The following MYO1E variants were observed in gnomAD, a reference collection of about 807,000 sequenced individuals.
MYO1E encodes unconventional myosin-Ie.
A neutral mutation model predicts 151.1 loss-of-function variants in MYO1E; 68 were observed. The observed-to-expected ratio is 0.45, with a 90% confidence interval of 0.37 to 0.55. The LOEUF (loss-of-function observed/expected upper bound fraction) is 0.55. Ranked by LOEUF, MYO1E falls within the 20% of genes least tolerant of loss-of-function variation. The pLI, the probability that MYO1E is intolerant of heterozygous loss-of-function variation, is 0.00. For missense variants in MYO1E, 1,363 were observed against 1,389.3 expected, an observed-to-expected ratio of 0.98 and a Z score of 0.30; for synonymous variants, 601 against 501.7, an observed-to-expected ratio of 1.20 and a Z score of -2.64.
intron 1 of MYO1E, among the ~76,000 whole-genome samples, chr15:59,294,996 C>A (rs558541880): frequency 4.1e-4 from 62 of 152,198 alleles, no homozygotes; most frequent in African/African-American, 1.5e-3. Flanking sequence ...GTCCTCTGAC[C>A]CCCACTGTTG....
chr15:59,270,304 C>A (rs2080281559), intron 2 of MYO1E, among the ~76,000 whole-genome samples: 1 of 152,026 alleles, frequency 6.6e-6, no homozygotes, highest in Admixed American at 6.5e-5. Context: ...GTAGTCCTAG[C>A]ACTTTGGAAG....
At position 59,227,492 on chromosome 15, in the gene MYO1E, G is replaced by T; in HGVS notation, c.609C>A (p.Asn203Lys). The T allele has an allele frequency of 6.2e-7, 1 of 1,614,140 alleles. No individual in the cohort carries two copies. The highest frequency in any genetic ancestry group is 8.5e-7 in the Non-Finnish European group (1 of 1,180,016). ...ATATGTGAAAACTCCGCTCTCCTGG[G>T]TTCCTCATCACCACCCTAGATTTTT... ...LLEKSRVVMR[N>K]PGERSFHIFY... Residue 203 changes from asparagine (N) to lysine (K), a missense_variant, in exon 7 of 28, where the codon AAC (asparagine) becomes AAA (lysine). Physicochemically the swap from Asn to Lys is moderately conservative, Grantham distance 94 (BLOSUM62 0). Transcript: ENST00000288235.
At chr15:59,281,535 G>A (rs550778931) in intron 1 of MYO1E, among the ~76,000 whole-genome samples, 8 of 151,894 alleles carry the variant, frequency 5.3e-5, no homozygotes, top group East Asian at 3.9e-4. Flanking sequence ...CTCGGCCTCC[G>A]AGAGGGTTAG....
chr15:59,253,320 C>T (rs4597251), intron 4 of MYO1E, among the ~76,000 whole-genome samples: 26,385 of 151,970 alleles, frequency 0.17, 2,987 homozygotes, highest in East Asian at 0.53. Context: ...AATTAGAAAA[C>T]AACGATTTTT....
At position 59,208,976 on chromosome 15, in the gene MYO1E, C is replaced by T. The variant is rs1414315616; in HGVS notation, c.1363-128G>A. On this transcript the variant is annotated intron_variant, in intron 13 of 27. Coordinates refer to ENST00000288235, the MANE Select transcript of MYO1E (RefSeq NM_004998.4). ...GATACCATCTTGAAAGTCAGTATTC[C>T]CCTTCAGGCAAGAATGCAATTAATA... The T allele has an allele frequency of 1.1e-5, 13 of 1,139,048 alleles. No individual in the cohort carries two copies. In the African/African-American group the frequency reaches 2.0e-4, roughly 18 times the overall value. The allele number at this position is 1,139,048 out of a possible 1,614,324, so 70.6% of individuals were successfully genotyped here.
chr15:59,228,262 A>C (rs897653816), intron 6 of MYO1E, among the ~76,000 whole-genome samples: 1 of 152,140 alleles, frequency 6.6e-6, no homozygotes, highest in East Asian at 1.9e-4. Flanking sequence ...CAGGTGGATC[A>C]CTGGAGGTCA....
chr15:59,225,521 T>C (rs2079984585), intron 7 of MYO1E, among the ~76,000 whole-genome samples: 1 of 152,212 alleles, frequency 6.6e-6, no homozygotes, highest in African/African-American at 2.4e-5. Context: ...ACTTCCCTGC[T>C]GGCTCTTCAA....
At chr15:59,190,784 G>A (rs545664855) in intron 17 of MYO1E, among the ~76,000 whole-genome samples, 2 of 152,268 alleles carry the variant, frequency 1.3e-5, no homozygotes, top group East Asian at 1.9e-4. Flanking sequence ...TGTTATTATC[G>A]TCATCCATTC....
At chr15:59,314,942 C>A (rs1471335703) in intron 1 of MYO1E, among the ~76,000 whole-genome samples, 1 of 152,038 alleles carries the variant, frequency 6.6e-6, no homozygotes, top group Non-Finnish European at 1.5e-5. Context: ...CTCAAGGTTG[C>A]CTGGTCTGAT....
chr15:59,310,148 C>G (rs1596411190), intron 1 of MYO1E, among the ~76,000 whole-genome samples: 1 of 152,314 alleles, frequency 6.6e-6, no homozygotes, highest in East Asian at 1.9e-4. Flanking sequence ...ATTACTTACT[C>G]TAGGTCCAGG....
At chr15:59,231,672 G>A (rs377572573) in intron 6 of MYO1E, 30 bp downstream of exon 6, 15 of 1,604,316 alleles carry the variant, frequency 9.3e-6, no homozygotes, top group Non-Finnish European at 1.3e-5. Flanking sequence ...TCAATCAAGC[G>A]ACACTCTCTG....
At chr15:59,260,888 C>T (rs2080220697) in intron 3 of MYO1E, among the ~76,000 whole-genome samples, 1 of 152,096 alleles carries the variant, frequency 6.6e-6, no homozygotes, top group East Asian at 1.9e-4. Context: ...AAATAAGGCT[C>T]AAATATTAGA....
chr15:59,356,629 G>GTC lies in MYO1E; in HGVS notation c.3+15867_3+15868dup, dbSNP rs536174858. ...TTGTTGTTGTTTTTCCTGAAACAGG[G>GTC]TCTCTCTCTGCAATCTCGGCTCACT... On this transcript the variant is annotated intron_variant, in intron 1 of 27. Transcript: ENST00000288235. Among the ~76,000 whole-genome samples, 46 of 152,230 alleles carry GTC rather than the reference G, an allele frequency of 3.0e-4. No homozygotes were observed. In the South Asian group the frequency reaches 9.5e-3, roughly 32 times the overall value.
intron 17 of MYO1E, among the ~76,000 whole-genome samples, chr15:59,189,113 T>A (rs900034338): frequency 6.6e-6 from 1 of 151,634 alleles, no homozygotes; most frequent in South Asian, 2.1e-4. Flanking sequence ...CCAGGCTACA[T>A]TGTAGTGATG....
chr15:59,174,193 A>G lies in MYO1E; in HGVS notation c.2097T>C (p.Ala699=). The change falls in exon 20 of 28, where the codon GCT becomes GCC. Residue 699 remains alanine (A), a synonymous_variant. Coordinates refer to ENST00000288235, the MANE Select transcript of MYO1E (RefSeq NM_004998.4). ...TCCTCCATGATTTCTGTATCACTCG[A>G]GCATACCCATCATACTTTCTCTCTC... The part of the protein sequence containing the change: ...EMRERKYDGY[A]RVIQKSWRKF... The G allele has an allele frequency of 1.2e-6, 2 of 1,614,122 alleles. No homozygotes were observed. Among genetic ancestry groups the G allele is most frequent in the South Asian group, 2.2e-5 (2 of 91,084 alleles).
At chr15:59,143,128 T>G (rs1312366815) in intron 26 of MYO1E, among the ~76,000 whole-genome samples, 1 of 152,210 alleles carries the variant, frequency 6.6e-6, no homozygotes, top group African/African-American at 2.4e-5. Context: ...AAGTGACTCC[T>G]GGCCAAAGTA....
chr15:59,257,752 A>G (rs2080202040), intron 3 of MYO1E, among the ~76,000 whole-genome samples: 1 of 152,072 alleles, frequency 6.6e-6, no homozygotes, highest in African/African-American at 2.4e-5. Flanking sequence ...GCTGCAAGCT[A>G]TGCCTAGGAC....
intron 1 of MYO1E, among the ~76,000 whole-genome samples, chr15:59,275,017 C>G (rs1364491242): frequency 2.0e-5 from 3 of 152,166 alleles, no homozygotes; most frequent in Non-Finnish European, 4.4e-5. Flanking sequence ...CTACTTACTA[C>G]TGCAAGCAAT....
At chr15:59,238,307 T>C (rs531271165) in intron 4 of MYO1E, among the ~76,000 whole-genome samples, 32 of 152,360 alleles carry the variant, frequency 2.1e-4, no homozygotes, top group African/African-American at 7.2e-4. Context: ...AACTCCATTT[T>C]AGAAGTTGTA....
Sources: gnomAD v4.1 joint callset for allele counts (sites outside exome capture counted in the v4.1 genomes callset) on GRCh38, gnomAD v4.1.1 for gene constraint, MANE v1.5 for transcripts, NCBI Gene and HGNC (gene_info 2026-07-23, HGNC 2026-07-21) for gene names.